CYBRD1: variants seen among roughly 807,000 people sequenced by gnomAD.
The protein encoded by CYBRD1 is cytochrome b reductase 1.
A neutral mutation model predicts 21.9 loss-of-function variants in CYBRD1; 14 were observed. The observed-to-expected ratio is 0.64, with a 90% CI of 0.42 to 1.00. The LOEUF is 1.00. CYBRD1 is among the 50% of genes least tolerant of loss of function. The pLI is 0.00. For missense variants in CYBRD1, 328 were observed against 352.5 expected (o/e 0.93, Z 0.56); for synonymous variants, 146 against 136.5 (o/e 1.07, Z -0.48).
intron 1 of CYBRD1, among the ~76,000 whole-genome samples, chr2:171,531,048 C>T (rs1697457783): frequency 1.3e-5 from 2 of 149,952 alleles, no homozygotes; most frequent in African/African-American, 4.9e-5. Context: ...CCCAGCTACT[C>T]AGGAGGCTGA....
Position 171,541,705 on chromosome 2 carries a change from T to C in CYBRD1, c.314T>C (p.Phe105Ser). ...ILAIISVVAV[F>S]ENHNVNNIAN... ...GCAATTATCTCTGTGGTGGCCGTGT[T>C]TGAGAACCACAATGTTAACAATATA... The change falls in exon 2 of 4, where the codon TTT becomes TCT. Residue 105 changes from phenylalanine (F) to serine (S), a missense_variant. By Grantham distance (155) the Phe-to-Ser change is radical. Coordinates refer to ENST00000321348, the MANE Select transcript of CYBRD1 (RefSeq NM_024843.4). 1 of 1,613,654 alleles carries C rather than the reference T, an allele frequency of 6.2e-7. No individual in the cohort carries two copies. The highest frequency in any genetic ancestry group is 8.5e-7 in the Non-Finnish European group (1 of 1,179,930).
chr2:171,537,517 G>T (rs1011732048), intron 1 of CYBRD1, among the ~76,000 whole-genome samples: 1 of 152,120 alleles, frequency 6.6e-6, no homozygotes, highest in African/African-American at 2.4e-5. Context: ...ATACACACAA[G>T]TAACCTAGTG....
intron 2 of CYBRD1, among the ~76,000 whole-genome samples, chr2:171,550,350 C>T (rs968160505): frequency 6.6e-6 from 1 of 152,098 alleles, no homozygotes; most frequent in Non-Finnish European, 1.5e-5. Flanking sequence ...AAGTGATCCT[C>T]CTGCCTCGGC....
chr2:171,536,868 A>AT lies in CYBRD1; in HGVS notation c.194-4707dup, dbSNP rs60100332. On this transcript the variant is annotated intron_variant, in intron 1 of 3. Coordinates refer to ENST00000321348, the MANE Select transcript of CYBRD1 (RefSeq NM_024843.4). ...CTTTTCGAGTGTTGAAATCCTGAGTATTTTTTTTTTCTGTATGTAGATGTT... is the reference window on the plus strand; with the variant it reads ...CTTTTCGAGTGTTGAAATCCTGAGTATTTTTTTTTTTCTGTATGTAGATGTT... Among the ~76,000 whole-genome samples the AT allele has an allele frequency of 3.5e-3, 528 of 151,734 alleles. 2 individuals are homozygous for AT. The highest frequency in any genetic ancestry group is 6.8e-3 in the Middle Eastern group (2 of 294).
chr2:171,535,866 C>T (rs928486832), intron 1 of CYBRD1, among the ~76,000 whole-genome samples: 4 of 152,144 alleles, frequency 2.6e-5, no homozygotes, highest in African/African-American at 9.7e-5. Context: ...TCTTGAACTC[C>T]TGGGCTCAAG....
chr2:171,523,880 T>C (rs6706526), intron 1 of CYBRD1, among the ~76,000 whole-genome samples: 95,383 of 151,998 alleles, frequency 0.63, 30,675 homozygotes, highest in East Asian at 0.86. Flanking sequence ...TGGAGTGGTG[T>C]TATGTCGCAG....
At chr2:171,539,579 A>G (rs1356062562) in intron 1 of CYBRD1, among the ~76,000 whole-genome samples, 2 of 152,138 alleles carry the variant, frequency 1.3e-5, no homozygotes, top group African/African-American at 2.4e-5. Flanking sequence ...CAGATATCTA[A>G]ATTTTCCCTG....
At chr2:171,541,865 T>C (rs927960187) in intron 2 of CYBRD1, 72 bp downstream of exon 2, 43 of 1,082,634 alleles carry the variant, frequency 4.0e-5, no homozygotes, top group Admixed American at 5.0e-5. Flanking sequence ...TCTTTTCTTT[T>C]TTTTTTTTTT....
intron 1 of CYBRD1, among the ~76,000 whole-genome samples, chr2:171,527,865 T>C (rs952807740): frequency 1.2e-4 from 18 of 152,224 alleles, no homozygotes; most frequent in Admixed American, 8.5e-4. Flanking sequence ...CTTTTGAAAT[T>C]TTTGTCCATA....
intron 2 of CYBRD1, among the ~76,000 whole-genome samples, chr2:171,544,705 T>C (rs1697684227): frequency 6.6e-6 from 1 of 152,234 alleles, no homozygotes; most frequent in Admixed American, 6.5e-5. Flanking sequence ...ACTATTTATG[T>C]ACAAAGCCAA....
rs142573754 is a variant in CYBRD1, at chr2:171,547,913, C to T, written c.403-5433C>T. On this transcript the variant is annotated intron_variant, in intron 2 of 3. Coordinates refer to ENST00000321348, the MANE Select transcript of CYBRD1 (RefSeq NM_024843.4). Reference sequence around the variant, plus strand: ...TAGTCTCTGTGGTTGTGGTTTACTCCAGTATTACCTAGCAGACCAGGGGTA... The same window carrying T: ...TAGTCTCTGTGGTTGTGGTTTACTCTAGTATTACCTAGCAGACCAGGGGTA... 9.9e-5 allele frequency among the ~76,000 whole-genome samples: 15 copies of T among 151,958 alleles called. No individual in the cohort carries two copies. The South Asian group carries it at 1.5e-3, about 15-fold the overall frequency.
chr2:171,552,655 A>G lies in CYBRD1; in HGVS notation c.403-691A>G, dbSNP rs148758523. ...TTGATGGGCAAACGTGTGGGGTGACAAAACCGTGAAAGCGCAACAGACTTC... is the reference window on the plus strand; with the variant it reads ...TTGATGGGCAAACGTGTGGGGTGACGAAACCGTGAAAGCGCAACAGACTTC... On this transcript the variant is annotated intron_variant, in intron 2 of 3. Coordinates refer to ENST00000321348, the MANE Select transcript of CYBRD1 (RefSeq NM_024843.4). Among the ~76,000 whole-genome samples the G allele has an allele frequency of 1.8e-3, 278 of 152,368 alleles. 1 individual carries two copies. Among genetic ancestry groups the G allele is most frequent in the Non-Finnish European group, 3.1e-3 (212 of 68,038 alleles).
At chr2:171,540,630 T>C (rs1287164421) in intron 1 of CYBRD1, among the ~76,000 whole-genome samples, 2 of 152,204 alleles carry the variant, frequency 1.3e-5, no homozygotes, top group African/African-American at 2.4e-5. Context: ...TGTATATTCA[T>C]TTTGATACTT....
At chr2:171,548,683 A>C (rs34029335) in intron 2 of CYBRD1, among the ~76,000 whole-genome samples, 2,797 of 148,210 alleles carry the variant, frequency 0.019, 88 homozygotes, top group African/African-American at 0.066. Context: ...CATACCTACT[A>C]CAAAAGCTAG....
chr2:171,554,159 G>A (rs1355512280), intron 3 of CYBRD1, among the ~76,000 whole-genome samples: 2 of 152,134 alleles, frequency 1.3e-5, no homozygotes, highest in African/African-American at 2.4e-5. Flanking sequence ...GCAGAAAAGC[G>A]GGGTTTGCAA....
intron 2 of CYBRD1, among the ~76,000 whole-genome samples, chr2:171,550,398 A>G (rs1182086296): frequency 6.6e-6 from 1 of 152,040 alleles, no homozygotes; most frequent in Non-Finnish European, 1.5e-5. Context: ...CATCCCTTTA[A>G]ATGCATGCCT....
At chr2:171,543,955 C>T (rs1697674010) in intron 2 of CYBRD1, among the ~76,000 whole-genome samples, 1 of 152,154 alleles carries the variant, frequency 6.6e-6, no homozygotes, top group South Asian at 2.1e-4. Context: ...TGGGCATATA[C>T]ATAGTAGTGA....
chr2:171,556,996 T>C lies in CYBRD1; in HGVS notation c.*2169T>C, dbSNP rs1683498446. The C allele has an allele frequency of 6.6e-6, 1 of 152,586 alleles. No homozygotes were observed. The highest frequency in any genetic ancestry group is 2.4e-5 in the African/African-American group (1 of 41,432). The allele number at this position is 152,586 out of a possible 1,614,324, so 9.5% of individuals were successfully genotyped here. On this transcript the variant is annotated 3_prime_UTR_variant, in exon 4 of 4. Coordinates refer to ENST00000321348, the MANE Select transcript of CYBRD1 (RefSeq NM_024843.4). The stretch of plus-strand genomic sequence containing the variant: ...TTATCAGTGAAAAGTTAATTATGGC[T>C]TTGGCACTAGAATAGCACTGTTGCA...
intron 1 of CYBRD1, among the ~76,000 whole-genome samples, chr2:171,533,690 G>A (rs1697503633): frequency 6.6e-6 from 1 of 152,018 alleles, no homozygotes; most frequent in South Asian, 2.1e-4. Context: ...ATTTTAGAGA[G>A]TATACATTTT....
Sources: allele counts gnomAD v4.1 joint callset (sites outside exome capture counted in the v4.1 genomes callset), GRCh38; gene constraint gnomAD v4.1.1; transcripts MANE v1.5; gene names NCBI Gene and HGNC (gene_info 2026-07-23, HGNC 2026-07-21).